The following NEBL variants were observed in gnomAD, a reference collection of about 807,000 sequenced individuals.
The protein encoded by NEBL is LIM and SH3 protein 2.
In NEBL, 122 loss-of-function variants were observed where a neutral mutation model predicts 140.2. The observed-to-expected ratio is 0.87, with a 90% CI of 0.75 to 1.01. The LOEUF (loss-of-function observed/expected upper bound fraction) is 1.01, where lower values mean the gene tolerates loss of function less well. Ranked by LOEUF, NEBL falls within the 50% of genes least tolerant of loss-of-function variation. The pLI, the probability that NEBL is intolerant of heterozygous loss-of-function variation, is 0.00. For synonymous variants in NEBL, 436 were observed against 398.9 expected (o/e 1.09, Z -1.11); for missense variants, 1,365 against 1,231.3 (o/e 1.11, Z -1.62).
chr10:20,923,666 CAAAAAAAAAAAA>C lies in NEBL; in HGVS notation c.357+37994_357+38005del, dbSNP rs71390799. Reference sequence around the variant, plus strand: ...TGCACTCCAGAGCAAGACTCCGTCTCAAAAAAAAAAAAAAAAAAAAAAAAAAAAAAGAAATGG... The same window carrying C: ...TGCACTCCAGAGCAAGACTCCGTCTCAAAAAAAAAAAAAAAAAAGAAATGG... On this transcript the variant is annotated intron_variant, in intron 4 of 6. Coordinates refer to the NEBL transcript ENST00000417816. Among the ~76,000 whole-genome samples, 104 of 28,370 alleles carry C rather than the reference CAAAAAAAAAAAA, an allele frequency of 3.7e-3. 1 individual carries two copies. Among genetic ancestry groups the C allele is most frequent in the Non-Finnish European group, 5.1e-3 (80 of 15,830 alleles). 18.6% of individuals were successfully genotyped at this position (28,370 alleles called of 152,430 possible).
At chr10:21,280,619 C>CT (rs554320752) in intron 1 of NEBL, among the ~76,000 whole-genome samples, 73,866 of 98,014 alleles carry the variant, frequency 0.75, 28,405 homozygotes, top group East Asian at 0.93. Flanking sequence ...TTTCTTTTTC[C>CT]TTTTTTTTTT....
intron 1 of NEBL, among the ~76,000 whole-genome samples, chr10:21,255,847 A>C (rs1481991413): frequency 6.6e-6 from 1 of 151,762 alleles, no homozygotes; most frequent in Non-Finnish European, 1.5e-5. Context: ...AATACAAAAA[A>C]TTAGCCAGGC....
At chr10:21,045,492 A>G (rs1238497402) in intron 2 of NEBL, among the ~76,000 whole-genome samples, 1 of 152,236 alleles carries the variant, frequency 6.6e-6, no homozygotes, top group Non-Finnish European at 1.5e-5. Context: ...TACTCTGGTC[A>G]AGAAATAAAG....
intron 3 of NEBL, among the ~76,000 whole-genome samples, chr10:21,181,993 G>A (rs182011742): frequency 6.6e-6 from 1 of 152,092 alleles, no homozygotes; most frequent in African/African-American, 2.4e-5. Flanking sequence ...GACCAAATGG[G>A]GCACAGGGAC....
At chr10:20,831,370 A>T in intron 15 of NEBL, 64 bp from the exon 16 acceptor site, 3 of 1,512,178 alleles carry the variant, frequency 2.0e-6, no homozygotes. Context: ...TGAAATTTAC[A>T]TGTTTGAATC....
At chr10:20,925,331 A>C (rs1485821629) in intron 4 of NEBL, among the ~76,000 whole-genome samples, 1 of 152,126 alleles carries the variant, frequency 6.6e-6, no homozygotes, top group Non-Finnish European at 1.5e-5. Flanking sequence ...TATGGATGGA[A>C]TATTTGTATC....
intron 3 of NEBL, among the ~76,000 whole-genome samples, chr10:21,184,208 T>A (rs554909236): frequency 7.9e-5 from 12 of 152,348 alleles, no homozygotes; most frequent in African/African-American, 2.9e-4. Context: ...ATTTCTCTGA[T>A]CATTTTCCAG....
At chr10:21,075,259 C>A (rs763664940) in intron 2 of NEBL, among the ~76,000 whole-genome samples, 1 of 152,178 alleles carries the variant, frequency 6.6e-6, no homozygotes, top group African/African-American at 2.4e-5. Context: ...AGCAAGCCAA[C>A]ATTTAAAACG....
chr10:21,265,963 A>C (rs1176717908), intron 1 of NEBL, among the ~76,000 whole-genome samples: 1 of 152,214 alleles, frequency 6.6e-6, no homozygotes, highest in African/African-American at 2.4e-5. Flanking sequence ...AAGAAGTTGG[A>C]GTATTTATCA....
chr10:20,925,311 C>T (rs1169523001), intron 4 of NEBL, among the ~76,000 whole-genome samples: 4 of 152,166 alleles, frequency 2.6e-5, no homozygotes, highest in Non-Finnish European at 2.9e-5. Context: ...GACTGTGGAA[C>T]ATTCCATGGT....
intron 3 of NEBL, among the ~76,000 whole-genome samples, chr10:21,190,626 A>C (rs1841556528): frequency 6.6e-6 from 1 of 152,230 alleles, no homozygotes; most frequent in South Asian, 2.1e-4. Context: ...ATACAATGCA[A>C]TTAATCTCTT....
At chr10:20,965,744 G>A (rs1186897134) in intron 3 of NEBL, among the ~76,000 whole-genome samples, 1 of 152,174 alleles carries the variant, frequency 6.6e-6, no homozygotes, top group Non-Finnish European at 1.5e-5. Flanking sequence ...GACGCGAGAA[G>A]CCCAGGTAGA....
At chr10:21,018,981 G>A (rs374796648) in intron 3 of NEBL, among the ~76,000 whole-genome samples, 18 of 152,054 alleles carry the variant, frequency 1.2e-4, no homozygotes, top group East Asian at 5.8e-4. Flanking sequence ...GAGCCGAGAC[G>A]GCACCACTGT....
At chr10:21,285,173 A>G (rs962121726) in intron 1 of NEBL, among the ~76,000 whole-genome samples, 3 of 152,238 alleles carry the variant, frequency 2.0e-5, no homozygotes, top group African/African-American at 7.2e-5. Context: ...GGACAGATTC[A>G]TGGTTACAGA....
chr10:20,821,841 CA>C (rs1199470039), intron 19 of NEBL, among the ~76,000 whole-genome samples: 1 of 152,212 alleles, frequency 6.6e-6, no homozygotes, highest in African/African-American at 2.4e-5. Context: ...AAGTACTCAT[CA>C]CACTAAACCC....
At chr10:21,214,309 T>G (rs1247459208) in intron 3 of NEBL, among the ~76,000 whole-genome samples, 3 of 152,178 alleles carry the variant, frequency 2.0e-5, no homozygotes, top group Non-Finnish European at 2.9e-5. Context: ...AAAGCATTCT[T>G]TGTACTTTCT....
rs755901579 is a variant in NEBL at position 20,812,749 on chromosome 10, G to A, written c.2518+20C>T. On this transcript the variant is annotated intron_variant, in intron 24 of 27. Coordinates refer to ENST00000377122, the MANE Select transcript of NEBL (RefSeq NM_006393.3). ...ATCTTTTCGACCACACACACCGGCC[G>A]ACAAACGCCGTCAGCTTACCAACAA... The A allele has an allele frequency of 3.5e-5, 56 of 1,613,442 alleles. No individual in the cohort carries two copies. The highest frequency in any genetic ancestry group is 9.9e-5 in the South Asian group (9 of 91,064).
At chr10:21,227,701 CTT>C (rs1491148078) in intron 3 of NEBL, among the ~76,000 whole-genome samples, 3 of 82,624 alleles carry the variant, frequency 3.6e-5, no homozygotes, top group African/African-American at 1.2e-4. Context: ...TCTTCTTCTT[CTT>C]CTTCTTCTTT....
At chr10:21,142,686 C>T (rs1481452148) in intron 2 of NEBL, among the ~76,000 whole-genome samples, 1 of 152,186 alleles carries the variant, frequency 6.6e-6, no homozygotes, top group Admixed American at 6.5e-5. Context: ...CCCAGGGCGG[C>T]AGACGGTATG....
Sources: allele counts gnomAD v4.1 joint callset (sites outside exome capture counted in the v4.1 genomes callset), GRCh38; gene constraint gnomAD v4.1.1; transcripts MANE v1.5; gene names NCBI Gene and HGNC (gene_info 2026-07-23, HGNC 2026-07-21).